Variants in ST8SIA1 observed in about 807,000 individuals in gnomAD.
The protein encoded by ST8SIA1 is ST8 alpha-N-acetyl-neuraminide alpha-2,8-sialyltransferase 1, also known as alpha-N-acetylneuraminide alpha-2,8-sialyltransferase.
ST8SIA1 carries 16 observed loss-of-function variants against 35.9 expected under a neutral mutation model. That is an observed-to-expected ratio of 0.45 (90% CI 0.30 to 0.68). ST8SIA1 has a LOEUF of 0.68. Ranked by LOEUF, ST8SIA1 falls within the 30% of genes least tolerant of loss-of-function variation. The probability of loss-of-function intolerance (pLI) is 0.09; values close to 1 mark genes in which losing one functional copy is unlikely to be tolerated. For missense variants in ST8SIA1, 383 were observed against 453.6 expected (o/e 0.84, Z 1.41); for synonymous variants, 170 against 169.6 (o/e 1.00, Z -0.02).
chr12:22,242,797 T>C (rs1201249050), intron 4 of ST8SIA1, among the ~76,000 whole-genome samples: 4 of 152,258 alleles, frequency 2.6e-5, no homozygotes, highest in African/African-American at 9.6e-5. Context: ...AAAAGGATAA[T>C]AGTAAGGAGT....
intron 2 of ST8SIA1, among the ~76,000 whole-genome samples, chr12:22,266,503 AT>A (rs371334733): frequency 1.6e-3 from 151 of 93,254 alleles, no homozygotes; most frequent in Middle Eastern, 7.2e-3. Context: ...TAAAAAAAAA[AT>A]ATATATATAT....
At chr12:22,217,203 C>T (rs1338215552) in intron 4 of ST8SIA1, among the ~76,000 whole-genome samples, 1 of 152,220 alleles carries the variant, frequency 6.6e-6, no homozygotes, top group East Asian at 1.9e-4. Context: ...AGGTGTTCAT[C>T]TCTTATGGTC....
At chr12:22,259,287 G>GA (rs1028505448) in intron 2 of ST8SIA1, among the ~76,000 whole-genome samples, 2 of 141,960 alleles carry the variant, frequency 1.4e-5, no homozygotes, top group Non-Finnish European at 3.2e-5. Context: ...CAAAAGTCCA[G>GA]GGGTTTTTTT....
At chr12:22,209,189 A>C (rs373775330) in intron 4 of ST8SIA1, among the ~76,000 whole-genome samples, 19 of 152,316 alleles carry the variant, frequency 1.2e-4, no homozygotes, top group African/African-American at 4.3e-4. Context: ...TACAACATAC[A>C]TGACAAGGGA....
chr12:22,321,842 C>T (rs1229312156), intron 1 of ST8SIA1, among the ~76,000 whole-genome samples: 1 of 152,216 alleles, frequency 6.6e-6, no homozygotes, highest in Non-Finnish European at 1.5e-5. Flanking sequence ...GGCCCCTCCA[C>T]TTCCTCTTCT....
At chr12:22,302,138 C>G (rs994077232) in intron 1 of ST8SIA1, among the ~76,000 whole-genome samples, 1 of 152,054 alleles carries the variant, frequency 6.6e-6, no homozygotes, top group Non-Finnish European at 1.5e-5. Context: ...CCAGTTTTGC[C>G]TAAGGTTTTT....
At chr12:22,226,317 G>A (rs1865356875) in intron 4 of ST8SIA1, among the ~76,000 whole-genome samples, 1 of 152,082 alleles carries the variant, frequency 6.6e-6, no homozygotes, top group South Asian at 2.1e-4. Context: ...CTCCATTGTA[G>A]GTAAATCACA....
chr12:22,297,757 AT>A (rs1407476109), intron 1 of ST8SIA1, among the ~76,000 whole-genome samples: 1 of 152,094 alleles, frequency 6.6e-6, no homozygotes, highest in East Asian at 1.9e-4. Context: ...TGAAATATAA[AT>A]TTGCTCTTTG....
In ST8SIA1 at chr12:22,217,603, C is replaced by A. The variant is rs971498896; in HGVS notation, c.585-15565G>T. ...TCATTGCTTTATGCCTCAATTTTCTCATTTGAAAAAAATAATAATAGCGTG... is the reference window on the plus strand; with the variant it reads ...TCATTGCTTTATGCCTCAATTTTCTAATTTGAAAAAAATAATAATAGCGTG... On this transcript the variant is annotated intron_variant, in intron 4 of 4. Coordinates refer to ENST00000396037, the MANE Select transcript of ST8SIA1 (RefSeq NM_003034.4). Among the ~76,000 whole-genome samples the A allele has an allele frequency of 2.6e-5, 4 of 152,206 alleles. No homozygotes were observed. In the East Asian group the frequency reaches 5.8e-4, roughly 22 times the overall value.
chr12:22,212,079 A>G (rs1370837798), intron 4 of ST8SIA1, among the ~76,000 whole-genome samples: 1 of 152,144 alleles, frequency 6.6e-6, no homozygotes, highest in Non-Finnish European at 1.5e-5. Flanking sequence ...TGATTTTTTT[A>G]ATATTCTTAT....
intron 1 of ST8SIA1, among the ~76,000 whole-genome samples, chr12:22,313,323 T>G (rs575524883): frequency 6.6e-6 from 1 of 151,946 alleles, no homozygotes; most frequent in East Asian, 1.9e-4. Context: ...TCAACAACAG[T>G]AAAAACAGGT....
At chr12:22,233,138 A>G (rs1865437702) in intron 4 of ST8SIA1, among the ~76,000 whole-genome samples, 1 of 152,248 alleles carries the variant, frequency 6.6e-6, no homozygotes, top group Non-Finnish European at 1.5e-5. Context: ...TGAAATTTCA[A>G]AATATGAGGC....
At chr12:22,324,697 C>G (rs1174627540) in intron 1 of ST8SIA1, 1 of 152,118 alleles carries the variant, frequency 6.6e-6, no homozygotes, top group Admixed American at 6.5e-5. Context: ...CTTTAAATAT[C>G]AACCTCAAGA....
At chr12:22,289,558 C>T (rs1240989286) in intron 1 of ST8SIA1, among the ~76,000 whole-genome samples, 2 of 152,222 alleles carry the variant, frequency 1.3e-5, no homozygotes, top group Non-Finnish European at 1.5e-5. Context: ...TGAATTCTCA[C>T]AGTAACCCAT....
At chr12:22,217,246 ATTTG>A (rs763777016) in intron 4 of ST8SIA1, among the ~76,000 whole-genome samples, 7 of 152,112 alleles carry the variant, frequency 4.6e-5, no homozygotes, top group Non-Finnish European at 7.4e-5. Context: ...AGAGCAATTT[ATTTG>A]TTTAAGTTTC....
In ST8SIA1 at chr12:22,249,093, T is replaced by C. The variant is rs747207676; in HGVS notation, c.497A>G (p.Asn166Ser). The C allele has an allele frequency of 2.1e-5, 34 of 1,609,830 alleles. No homozygotes were observed. Among genetic ancestry groups the C allele is most frequent in the Non-Finnish European group, 2.6e-5 (31 of 1,176,614 alleles). ...GTATTCACTTGACAAAGGAGGGAGATTGCATCTAGAGAAACAAGAACAAAC... is the reference window on the plus strand; with the variant it reads ...GTATTCACTTGACAAAGGAGGGAGACTGCATCTAGAGAAACAAGAACAAAC... The part of the protein sequence containing the change: ...IDEANFVMRC[N>S]LPPLSSEYTK... The change falls in exon 4 of 5, where the codon AAT becomes AGT. Residue 166 changes from asparagine (N) to serine (S), a missense_variant. Coordinates refer to ENST00000396037, the MANE Select transcript of ST8SIA1 (RefSeq NM_003034.4).
intron 1 of ST8SIA1, among the ~76,000 whole-genome samples, chr12:22,302,303 G>T (rs1458854339): frequency 6.6e-6 from 1 of 151,858 alleles, no homozygotes; most frequent in East Asian, 1.9e-4. Flanking sequence ...CTTTCTTAAA[G>T]CCCTGCTAAC....
At chr12:22,331,914 C>A (rs1028474087) in intron 1 of ST8SIA1, among the ~76,000 whole-genome samples, 15 of 152,128 alleles carry the variant, frequency 9.9e-5, no homozygotes, top group African/African-American at 3.1e-4. Flanking sequence ...TATAAGGCAA[C>A]CATTTTCTGG....
chr12:22,260,874 G>GTTTTTTTTTTTTTTTTTTTTTTTTTTT, intron 2 of ST8SIA1, among the ~76,000 whole-genome samples: 1 of 114,376 alleles, frequency 8.7e-6, no homozygotes, highest in Non-Finnish European at 1.8e-5. Flanking sequence ...TATAGTTGTT[G>GTTTTTTTTTTTTTTTTTTTTTTTTTTT]TTTTTTTTTT....
Sources: allele counts gnomAD v4.1 joint callset (sites outside exome capture counted in the v4.1 genomes callset), GRCh38; gene constraint gnomAD v4.1.1; transcripts MANE v1.5; gene names NCBI Gene and HGNC (gene_info 2026-07-23, HGNC 2026-07-21).